The following HHIPL1 variants were observed in gnomAD, a reference collection of about 807,000 sequenced individuals.
The protein encoded by HHIPL1 is HHIP like 1.
In HHIPL1, 43 loss-of-function variants were observed where a neutral mutation model predicts 61.8. The ratio of observed to expected loss-of-function variants is 0.70; its 90% CI spans 0.55 to 0.90. HHIPL1 has a LOEUF of 0.90. HHIPL1 is among the 40% of genes least tolerant of loss of function. HHIPL1 has a pLI of 0.00. For missense variants in HHIPL1, 1,056 were observed against 1,157.7 expected, an observed-to-expected ratio of 0.91 and a Z score of 1.28; for synonymous variants, 482 against 515.8, an observed-to-expected ratio of 0.93 and a Z score of 0.89.
upstream of HHIPL1, among the ~76,000 whole-genome samples, chr14:99,643,273 C>T (rs1056394546): frequency 6.6e-6 from 1 of 151,446 alleles, no homozygotes; most frequent in African/African-American, 2.4e-5. Flanking sequence ...CTCCTGACCT[C>T]GGGTGATCCG....
At chr14:99,617,038 G>GC in the HHIPL1 span, among the ~76,000 whole-genome samples, 1 of 152,182 alleles carries the variant, frequency 6.6e-6, no homozygotes, top group African/African-American at 2.4e-5. Flanking sequence ...CCGAGAAGTG[G>GC]CCCCAGAGCA....
chr14:99,636,245 G>A, the HHIPL1 span, among the ~76,000 whole-genome samples: 1 of 151,710 alleles, frequency 6.6e-6, no homozygotes. Flanking sequence ...ATGACCCCTG[G>A]AGACTCAGAA....
intron 2 of HHIPL1, among the ~76,000 whole-genome samples, chr14:99,656,333 G>C (rs899027837): frequency 6.6e-6 from 1 of 152,162 alleles, no homozygotes; most frequent in African/African-American, 2.4e-5. Context: ...TCTAATCCCA[G>C]CTCTGCTACC....
Position 99,645,442 on chromosome 14 carries a change from G to A in HHIPL1, c.235G>A (p.Ala79Thr). ...CGAGTGGGCCGCGTGCGCCGGCTAC[G>A]CGAGGGACCTGCTGTGCCAGGTGAG... ...AAEWAACAGY[A>T]RDLLCQECSP... The change falls in exon 1 of 9, where the codon GCG becomes ACG. Residue 79 changes from alanine (A) to threonine (T), a missense_variant. Physicochemically the swap from Ala to Thr is moderately conservative, Grantham distance 58. Transcript: ENST00000330710. The A allele has an allele frequency of 1.5e-6, 2 of 1,350,734 alleles. No homozygotes were observed. The highest frequency in any genetic ancestry group is 1.9e-6 in the Non-Finnish European group (2 of 1,057,356). 83.7% of individuals were successfully genotyped at this position (1,350,734 alleles called of 1,614,324 possible).
rs2056385531 is a variant in HHIPL1, at chr14:99,675,802, A to G, written c.*176A>G. ...TGCATGTGTGTCCTCTGCAGACCCA[A>G]GGCAGGAGTGTGTGTTGGGGGCGGT... On this transcript the variant is annotated 3_prime_UTR_variant, in exon 9 of 9. Coordinates refer to ENST00000330710, the MANE Select transcript of HHIPL1 (RefSeq NM_001127258.3). This position sits in a 1 kb window ranked among gnomAD's most constrained non-coding sequence, Gnocchi z 5.4. 2 of 564,710 alleles carry G rather than the reference A, an allele frequency of 3.5e-6. No homozygotes were observed. The highest frequency in any genetic ancestry group is 6.7e-5 in the East Asian group (2 of 29,796). 35.0% of individuals were successfully genotyped at this position (564,710 alleles called of 1,614,324 possible). A position where few individuals can be genotyped will look rare whatever the true frequency, so the allele number is the denominator to read the frequency against.
At position 99,675,604 on chromosome 14, in the gene HHIPL1, G is replaced by C. The variant is rs1566819667; in HGVS notation, c.2327G>C (p.Ser776Thr). ...GACGAGGATGCGGGCGTCGTGTGCAGCCACCAGAACCCCGACCTGTAGGCA... is the reference window on the plus strand; with the variant it reads ...GACGAGGATGCGGGCGTCGTGTGCACCCACCAGAACCCCGACCTGTAGGCA... ...EHDEDAGVVCSHQNPDL is the reference protein window; with the variant it reads ...EHDEDAGVVCTHQNPDL The change falls in exon 9 of 9, where the codon AGC becomes ACC. Residue 776 changes from serine to threonine, a missense_variant. Coordinates refer to ENST00000330710, the MANE Select transcript of HHIPL1 (RefSeq NM_001127258.3). The surrounding 1 kb of genome is among the most constrained non-coding windows in gnomAD (Gnocchi z 5.4). The C allele has an allele frequency of 6.5e-7, 1 of 1,527,858 alleles. No homozygotes were observed. The highest frequency in any genetic ancestry group is 2.0e-5 in the Admixed American group (1 of 50,680). The allele number at this position is 1,527,858 out of a possible 1,614,324, so 94.6% of individuals were successfully genotyped here. A position where few individuals can be genotyped will look rare whatever the true frequency, so the allele number is the denominator to read the frequency against.
Position 99,668,442 on chromosome 14 carries a change from G to A in HHIPL1, c.1730+139G>A, listed in dbSNP as rs1470896205. 16 of 645,654 alleles carry A rather than the reference G, an allele frequency of 2.5e-5. No homozygotes were observed. Among genetic ancestry groups the A allele is most frequent in the South Asian group, 8.8e-5 (5 of 56,664 alleles). 40.0% of individuals were successfully genotyped at this position (645,654 alleles called of 1,614,324 possible). On this transcript the variant is annotated intron_variant, in intron 7 of 8. Coordinates refer to ENST00000330710, the MANE Select transcript of HHIPL1 (RefSeq NM_001127258.3). This position sits in a 1 kb window ranked among gnomAD's most constrained non-coding sequence, Gnocchi z 4.7. ...GACAAGAACCCTGAGGCCCAGAGAG[G>A]GACGTGATTTGCCTCAGTTCCTCCG...
At chr14:99,648,224 A>C (rs1236769098) in intron 1 of HHIPL1, among the ~76,000 whole-genome samples, 7 of 152,184 alleles carry the variant, frequency 4.6e-5, no homozygotes, top group Non-Finnish European at 1.0e-4. Flanking sequence ...ACCTCAGGGA[A>C]GGCTTCCTGA....
intron 7 of HHIPL1, among the ~76,000 whole-genome samples, chr14:99,670,031 C>T (rs565177999): frequency 6.6e-6 from 1 of 152,194 alleles, no homozygotes; most frequent in Non-Finnish European, 1.5e-5. Context: ...GAACACCTCA[C>T]ATTACCATAG....
At chr14:99,611,197 A>G in the HHIPL1 span, among the ~76,000 whole-genome samples, 2 of 151,800 alleles carry the variant, frequency 1.3e-5, no homozygotes, top group Non-Finnish European at 2.9e-5. Flanking sequence ...TGGTTCAGTC[A>G]TGGCTGACTG....
chr14:99,631,138 GAC>G, the HHIPL1 span, among the ~76,000 whole-genome samples: 1 of 92,916 alleles, frequency 1.1e-5, no homozygotes, highest in Non-Finnish European at 2.1e-5. Context: ...TTTTTTTTTT[GAC>G]AGAGTCTTGC....
At position 99,652,582 on chromosome 14, in the gene HHIPL1, G is replaced by A; in HGVS notation, c.614G>A (p.Gly205Asp). The A allele has an allele frequency of 1.2e-6, 2 of 1,613,014 alleles. No homozygotes were observed. The highest frequency in any genetic ancestry group is 1.7e-6 in the Non-Finnish European group (2 of 1,179,864). Reference sequence around the variant, plus strand: ...GTGGCCATGGTCCATGCCAGGGATGGCACCCACCGCTTCTTCGTGGCCGAG... The same window carrying A: ...GTGGCCATGGTCCATGCCAGGGATGACACCCACCGCTTCTTCGTGGCCGAG... The part of the protein sequence containing the change: ...NPVAMVHARD[G>D]THRFFVAEQV... The change falls in exon 2 of 9, where the codon GGC becomes GAC. Residue 205 changes from glycine (G) to aspartate (D), a missense_variant. Physicochemically the swap from Gly to Asp is moderately conservative, Grantham distance 94. Coordinates refer to ENST00000330710, the MANE Select transcript of HHIPL1 (RefSeq NM_001127258.3).
At chr14:99,614,157 A>G in the HHIPL1 span, among the ~76,000 whole-genome samples, 4 of 152,136 alleles carry the variant, frequency 2.6e-5, no homozygotes, top group African/African-American at 9.7e-5. Context: ...TAGGATGAGG[A>G]GATAGTCAAG....
chr14:99,606,542 G>T, the HHIPL1 span, among the ~76,000 whole-genome samples: 1 of 152,214 alleles, frequency 6.6e-6, no homozygotes, highest in Non-Finnish European at 1.5e-5. Flanking sequence ...CCCCGTTCGT[G>T]CATGGCTCCT....
chr14:99,615,695 G>GAGAA, the HHIPL1 span, among the ~76,000 whole-genome samples: 12 of 149,178 alleles, frequency 8.0e-5, no homozygotes, highest in African/African-American at 1.7e-4. Context: ...AAGAAAGAAA[G>GAGAA]AGAAAGAAAG....
chr14:99,644,168 G>A (rs1322603272), upstream of HHIPL1, among the ~76,000 whole-genome samples: 1 of 152,118 alleles, frequency 6.6e-6, no homozygotes, highest in East Asian at 1.9e-4. Context: ...CAGGAGCATG[G>A]GCCCAAAGAC....
At chr14:99,628,589 A>AAAAAAAAG in the HHIPL1 span, among the ~76,000 whole-genome samples, 1 of 151,798 alleles carries the variant, frequency 6.6e-6, no homozygotes, top group South Asian at 2.1e-4. Flanking sequence ...CTCAAAAAAA[A>AAAAAAAAG]AAAAAAAGAA....
chr14:99,669,050 T>C, intron 7 of HHIPL1: 1 of 1,460,026 alleles, frequency 6.8e-7, no homozygotes, highest in Admixed American at 2.6e-5. Context: ...TTCAAGCACC[T>C]TCCCCAACCC....
chr14:99,659,843 CGCA>C lies in HHIPL1; in HGVS notation c.1375+88_1375+90del, dbSNP rs1246239262. ...GTGCCGCAGGGCCTCCCTCGGAGACCGCACCCCCCCCCCCCCGGAGATCCCTGA... is the reference window on the plus strand; with the variant it reads ...GTGCCGCAGGGCCTCCCTCGGAGACCCCCCCCCCCCCCCGGAGATCCCTGA... On this transcript the variant is annotated intron_variant, in intron 4 of 8. Coordinates refer to ENST00000330710, the MANE Select transcript of HHIPL1 (RefSeq NM_001127258.3). The C allele has an allele frequency of 1.0e-5, 6 of 575,638 alleles. No homozygotes were observed. In the South Asian group the frequency reaches 1.1e-4, roughly 10 times the overall value. The allele number at this position is 575,638 out of a possible 1,614,324, so 35.7% of individuals were successfully genotyped here.
Sources: allele counts gnomAD v4.1 joint callset (sites outside exome capture counted in the v4.1 genomes callset), GRCh38; gene constraint gnomAD v4.1.1; non-coding constraint Gnocchi (gnomAD v3.1); transcripts MANE v1.5; gene names NCBI Gene and HGNC (gene_info 2026-07-23, HGNC 2026-07-21).